Variants in C16orf78 observed in about 807,000 individuals in gnomAD.
C16orf78 encodes the protein uncharacterized protein C16orf78.
C16orf78 carries 19 observed loss-of-function variants against 27.3 expected under a neutral mutation model. That is an observed-to-expected ratio of 0.70 (90% CI 0.49 to 1.02). The LOEUF (loss-of-function observed/expected upper bound fraction) is 1.02. Among genes scored for constraint, C16orf78 ranks in the 50% least tolerant of loss-of-function variants. C16orf78 has a pLI of 0.00. For synonymous variants in C16orf78, 130 were observed against 116.1 expected (o/e 1.12, Z -0.77); for missense variants, 339 against 337.0 (o/e 1.01, Z -0.05).
chr16:49,387,236 C>T (rs1032452797), intron 3 of C16orf78, among the ~76,000 whole-genome samples: 1 of 152,010 alleles, frequency 6.6e-6, no homozygotes, highest in Non-Finnish European at 1.5e-5. Flanking sequence ...TTGTTGGCTG[C>T]ATGTATGTAT....
intron 3 of C16orf78, among the ~76,000 whole-genome samples, chr16:49,384,215 G>A (rs1010271072): frequency 2.0e-5 from 3 of 151,990 alleles, no homozygotes; most frequent in Non-Finnish European, 1.5e-5. Context: ...GGTTGTGGTG[G>A]TGCGTGCCTG....
At chr16:49,389,014 G>A (rs922436728) in intron 3 of C16orf78, among the ~76,000 whole-genome samples, 14 of 152,164 alleles carry the variant, frequency 9.2e-5, no homozygotes, top group African/African-American at 1.7e-4. Flanking sequence ...CTTCACGTGC[G>A]TTTCTAACTT....
chr16:49,395,645 G>C (rs1378336536), intron 3 of C16orf78, among the ~76,000 whole-genome samples: 1 of 152,124 alleles, frequency 6.6e-6, no homozygotes, highest in Non-Finnish European at 1.5e-5. Flanking sequence ...ATTACATTTC[G>C]TGTATTTGTG....
At chr16:49,385,442 T>A (rs1451922416) in intron 3 of C16orf78, among the ~76,000 whole-genome samples, 1 of 151,656 alleles carries the variant, frequency 6.6e-6, no homozygotes, top group Non-Finnish European at 1.5e-5. Context: ...GGAGGCCGAG[T>A]GGTTGGATCA....
chr16:49,392,211 T>A (rs191499273), intron 3 of C16orf78, among the ~76,000 whole-genome samples: 8 of 152,300 alleles, frequency 5.3e-5, no homozygotes, highest in Admixed American at 3.3e-4. Context: ...AACCTGGAAG[T>A]GGAATAGCAC....
rs1233967014 is a variant in C16orf78, at chr16:49,399,417, T to G, written c.*139T>G. On this transcript the variant is annotated 3_prime_UTR_variant, in exon 5 of 5. Transcript: ENST00000299191. The stretch of plus-strand genomic sequence containing the variant: ...AAAGTAAGCAATCAGAAAACAAGCC[T>G]CGGCTGTGTGATCATTGTGCTTCCG... 1 of 1,039,514 alleles carries G rather than the reference T, an allele frequency of 9.6e-7. No homozygotes were observed. The highest frequency in any genetic ancestry group is 1.6e-5 in the African/African-American group (1 of 62,508). 64.4% of individuals were successfully genotyped at this position (1,039,514 alleles called of 1,614,324 possible).
intron 1 of C16orf78, among the ~76,000 whole-genome samples, chr16:49,377,398 G>A (rs889273295): frequency 6.6e-6 from 1 of 152,110 alleles, no homozygotes; most frequent in Non-Finnish European, 1.5e-5. Flanking sequence ...GGAAGTCTGA[G>A]CTGGTAAGGC....
chr16:49,377,316 A>G (rs949949496), intron 1 of C16orf78, among the ~76,000 whole-genome samples: 2 of 152,170 alleles, frequency 1.3e-5, no homozygotes, highest in African/African-American at 4.8e-5. Context: ...AAAGGCCCAG[A>G]GGTCTGGATC....
Position 49,373,860 on chromosome 16 carries a change from C to T in C16orf78, c.-80C>T. On this transcript the variant is annotated 5_prime_UTR_variant, in exon 1 of 5. Transcript: ENST00000299191. Reference sequence around the variant, plus strand: ...ACACCCTACCTTCTAAGTCACCAGGCCATCAAGTCCAGACAAAGGGATCGA... The same window carrying T: ...ACACCCTACCTTCTAAGTCACCAGGTCATCAAGTCCAGACAAAGGGATCGA... 1 of 1,546,054 alleles carries T rather than the reference C, an allele frequency of 6.5e-7. No homozygotes were observed. Among genetic ancestry groups the T allele is most frequent in the East Asian group, 2.3e-5 (1 of 44,248 alleles).
intron 3 of C16orf78, among the ~76,000 whole-genome samples, chr16:49,386,633 G>T (rs1965354821): frequency 6.6e-6 from 1 of 152,114 alleles, no homozygotes; most frequent in South Asian, 2.1e-4. Flanking sequence ...AGTTTCCTTT[G>T]TTCCCCTCTA....
chr16:49,388,116 C>G (rs112248976), intron 3 of C16orf78, among the ~76,000 whole-genome samples: 9,124 of 152,172 alleles, frequency 0.06, 361 homozygotes, highest in Non-Finnish European at 0.088. Flanking sequence ...GAGATCCTGT[C>G]TCTATTAAGA....
chr16:49,388,131 A>C (rs532981593), intron 3 of C16orf78, among the ~76,000 whole-genome samples: 1 of 152,214 alleles, frequency 6.6e-6, no homozygotes, highest in Non-Finnish European at 1.5e-5. Flanking sequence ...TTAAGAAAAA[A>C]AAATTTTTTT....
chr16:49,382,996 C>T (rs746525346), intron 3 of C16orf78, among the ~76,000 whole-genome samples: 4 of 152,222 alleles, frequency 2.6e-5, no homozygotes, highest in African/African-American at 4.8e-5. Flanking sequence ...CACAAGGATG[C>T]CAGCAGGTCA....
At chr16:49,390,566 G>T (rs1265361007) in intron 3 of C16orf78, among the ~76,000 whole-genome samples, 1 of 152,060 alleles carries the variant, frequency 6.6e-6, no homozygotes, top group Non-Finnish European at 1.5e-5. Flanking sequence ...ACTTCAATTT[G>T]GGTCATTTTA....
intron 3 of C16orf78, among the ~76,000 whole-genome samples, chr16:49,379,083 TTATAAGGAGCTCAGAGTTG>T (rs1258660189): frequency 2.6e-5 from 4 of 152,044 alleles, no homozygotes; most frequent in Admixed American, 1.3e-4. Flanking sequence ...CTCTACCACT[TTATAAGGAGCTCAGAGTTG>T]TATAATCCTG....
At position 49,373,878 on chromosome 16, in the gene C16orf78, G is replaced by A; in HGVS notation, c.-62G>A. The A allele has an allele frequency of 6.3e-7, 1 of 1,592,666 alleles. No individual in the cohort carries two copies. Among genetic ancestry groups the A allele is most frequent in the Non-Finnish European group, 8.6e-7 (1 of 1,166,618 alleles). ...CACCAGGCCATCAAGTCCAGACAAA[G>A]GGATCGAAAGAGTGAGACAGTGCCA... On this transcript the variant is annotated 5_prime_UTR_variant, in exon 1 of 5. Coordinates refer to ENST00000299191, the MANE Select transcript of C16orf78 (RefSeq NM_144602.4).
intron 3 of C16orf78, among the ~76,000 whole-genome samples, chr16:49,387,823 T>A (rs1403840469): frequency 6.6e-6 from 1 of 152,236 alleles, no homozygotes; most frequent in Non-Finnish European, 1.5e-5. Context: ...TATCCATTTT[T>A]TCTAGCTTAT....
At chr16:49,386,272 C>T (rs1965349946) in intron 3 of C16orf78, among the ~76,000 whole-genome samples, 1 of 152,156 alleles carries the variant, frequency 6.6e-6, no homozygotes, top group Middle Eastern at 3.2e-3. Context: ...TTTAACACTT[C>T]ACTCTCAACA....
chr16:49,376,051 T>A (rs1965213114), intron 1 of C16orf78, among the ~76,000 whole-genome samples: 1 of 152,204 alleles, frequency 6.6e-6, no homozygotes, highest in African/African-American at 2.4e-5. Context: ...CCCAGAAGCA[T>A]CTGGGCTTTT....
Sources: allele counts gnomAD v4.1 joint callset (sites outside exome capture counted in the v4.1 genomes callset), GRCh38; gene constraint gnomAD v4.1.1; transcripts MANE v1.5; gene names NCBI Gene and HGNC (gene_info 2026-07-23, HGNC 2026-07-21).